Variants in MPND observed in about 807,000 individuals in gnomAD.
MPND encodes the protein MPN domain-containing protein.
Under a neutral mutation model 59.2 loss-of-function variants are expected in MPND, and 56 were observed. The ratio of observed to expected loss-of-function variants is 0.95; its 90% CI spans 0.76 to 1.18. The LOEUF (loss-of-function observed/expected upper bound fraction) is 1.18, where lower values mean the gene tolerates loss of function less well. Among genes scored for constraint, MPND ranks in the 50% most tolerant of loss-of-function variants. The pLI, the probability that MPND is intolerant of heterozygous loss-of-function variation, is 0.00. For missense variants in MPND, 671 were observed against 676.0 expected, an observed-to-expected ratio of 0.99 and a Z score of 0.08; for synonymous variants, 323 against 291.9, an observed-to-expected ratio of 1.11 and a Z score of -1.09.
At chr19:4,354,474 C>A in intron 6 of MPND, 54 bp downstream of exon 6, 1 of 1,453,938 alleles carries the variant, frequency 6.9e-7, no homozygotes. Context: ...AGTCGGTGGG[C>A]AGCGGGCGGG....
intron 12 of MPND, among the ~76,000 whole-genome samples, 200 bp downstream of exon 12, chr19:4,359,455 C>T (rs987452589): frequency 7.2e-5 from 11 of 152,134 alleles, no homozygotes; most frequent in Non-Finnish European, 1.0e-4. Flanking sequence ...CTTTAAGCTC[C>T]GGCAGTGCCG....
intron 7 of MPND, 26 bp downstream of exon 7, chr19:4,355,047 G>C: frequency 1.2e-6 from 2 of 1,609,598 alleles, no homozygotes; most frequent in Non-Finnish European, 1.7e-6. Context: ...CAGGTGGGCG[G>C]GGGCGTTGGA....
In MPND at chr19:4,357,270, C is replaced by T. The variant is rs766357703; in HGVS notation, c.1014C>T (p.Phe338=). The change falls in exon 9 of 13, where the codon TTC becomes TTT. Residue 338 remains phenylalanine (F), a synonymous_variant. Transcript: ENST00000599840. ...AIEEEIYQSL[F]LRGLSLVGWY... is the part of the protein sequence containing the mutation. ...GTCCCCAGATCTACCAGAGCCTGTT[C>T]CTGCGGGGCCTGTCCCTGGTGGGCT... The T allele has an allele frequency of 1.4e-5, 22 of 1,606,572 alleles. No individual in the cohort carries two copies. The highest frequency in any genetic ancestry group is 1.7e-5 in the Non-Finnish European group (20 of 1,176,304).
At chr19:4,350,609 G>A (rs1207099962) in intron 3 of MPND, among the ~76,000 whole-genome samples, 2 of 152,192 alleles carry the variant, frequency 1.3e-5, no homozygotes, top group East Asian at 3.8e-4. Context: ...TGATAGATCA[G>A]ATGCTGGAGT....
At chr19:4,357,655 G>T in intron 10 of MPND, 70 bp downstream of exon 10, 1 of 1,464,948 alleles carries the variant, frequency 6.8e-7, no homozygotes, top group Non-Finnish European at 9.3e-7. Flanking sequence ...GACTAGGCAG[G>T]GGCCCCTGGT....
rs1357787009 is a variant in MPND, at chr19:4,354,091, G to A, written c.711G>A (p.Pro237=). 1.1e-5 allele frequency: 17 copies of A among 1,613,200 alleles called. No individual in the cohort carries two copies. Among genetic ancestry groups the A allele is most frequent in the Admixed American group, 6.7e-5 (4 of 59,970 alleles). ...GGGTGGACAGCAAGATCCGGGTTCC[G>A]GTCCGCTACTGCATGCTGGGCAGCC... The part of the protein sequence containing the change: ...GKRVDSKIRV[P]VRYCMLGSRD... The change falls in exon 5 of 13, where the codon CCG becomes CCA. Residue 237 remains proline (P), a synonymous_variant. Coordinates refer to ENST00000599840, the MANE Select transcript of MPND (RefSeq NM_001300862.2).
chr19:4,351,654 C>T (rs575726233), intron 3 of MPND, among the ~76,000 whole-genome samples: 2 of 149,578 alleles, frequency 1.3e-5, no homozygotes, highest in South Asian at 2.1e-4. Context: ...CAAGGTCAGA[C>T]GATCGAGACC....
At position 4,344,166 on chromosome 19, in the gene MPND, G is replaced by A. The variant is rs533170195; in HGVS notation, c.294+172G>A. On this transcript the variant is annotated intron_variant, in intron 2 of 12. Transcript: ENST00000599840. ...TGGCGAGGGGAAACTGAGGCCCGGG[G>A]CTCCGTTGACTGCAGGAAGAGCTCC... 4.4e-4 allele frequency among the ~76,000 whole-genome samples: 66 copies of A among 151,128 alleles called. 1 individual carries two copies. Among genetic ancestry groups the A allele is most frequent in the African/African-American group, 1.5e-3 (61 of 41,148 alleles).
rs957444253 is a variant in MPND at position 4,353,041 on chromosome 19, G to A, written c.664+12G>A. 9.0e-6 allele frequency: 12 copies of A among 1,329,610 alleles called. No individual in the cohort carries two copies. Among genetic ancestry groups the A allele is most frequent in the Non-Finnish European group, 1.2e-5 (12 of 1,029,594 alleles). The allele number at this position is 1,329,610 out of a possible 1,614,324, so 82.4% of individuals were successfully genotyped here. A position where few individuals can be genotyped will look rare whatever the true frequency, so the allele number is the denominator to read the frequency against. ...GCCTGCCCACCCGGGTGAGAGGCGT[G>A]GGGAGGGGAGGCAGGACAGGGGCGG... On this transcript the variant is annotated intron_variant, in intron 4 of 12. Transcript: ENST00000599840.
intron 3 of MPND, among the ~76,000 whole-genome samples, chr19:4,351,989 A>G (rs1179978849): frequency 2.0e-5 from 3 of 151,916 alleles, no homozygotes; most frequent in Non-Finnish European, 4.4e-5. Flanking sequence ...CCTGGCCAAC[A>G]TGGCAAAACC....
chr19:4,357,582 C>G lies in MPND; in HGVS notation c.1233C>G (p.Pro411=), dbSNP rs750610560. 1 of 1,611,140 alleles carries G rather than the reference C, an allele frequency of 6.2e-7. No individual in the cohort carries two copies. The highest frequency in any genetic ancestry group is 2.2e-5 in the East Asian group (1 of 44,830). Residue 411 remains proline, a synonymous_variant, in exon 10 of 13, where the codon CCC becomes CCG. Coordinates refer to ENST00000599840, the MANE Select transcript of MPND (RefSeq NM_001300862.2). ...KISPFWVMPP[P]EQRPSDYGIP... ...CACCTTTCTGGGTGATGCCTCCTCC[C>G]GAGGTAGGTGGGGCTGTTGGGAGAG...
At chr19:4,346,355 A>G (rs1038973290) in intron 3 of MPND, among the ~76,000 whole-genome samples, 1 of 152,114 alleles carries the variant, frequency 6.6e-6, no homozygotes, top group Non-Finnish European at 1.5e-5. Flanking sequence ...TGCTATGATA[A>G]TAGATGTTCC....
Position 4,357,400 on chromosome 19 carries a change from C to A in MPND, c.1144C>A (p.Pro382Thr). The A allele has an allele frequency of 6.2e-7, 1 of 1,612,572 alleles. No homozygotes were observed. Among genetic ancestry groups the A allele is most frequent in the South Asian group, 1.1e-5 (1 of 91,008 alleles). The stretch of plus-strand genomic sequence containing the variant: ...GCAGGGCTCCAGCAATGGCTTCCAG[C>A]CCTGCCTCGCCCTGCTCTGCTGTAC... ...RLQGSSNGFQ[P>T]CLALLCSPYY... Residue 382 changes from proline (P) to threonine (T), a missense_variant, in exon 9 of 13, where the codon CCC becomes ACC. By Grantham distance (38) the Pro-to-Thr change is conservative (BLOSUM62 -1). Coordinates refer to ENST00000599840, the MANE Select transcript of MPND (RefSeq NM_001300862.2).
intron 10 of MPND, 123 bp downstream of exon 10, chr19:4,357,708 A>G (rs1972474420): frequency 1.1e-6 from 1 of 934,806 alleles, no homozygotes; most frequent in African/African-American, 1.7e-5. Flanking sequence ...TTCTCCATCT[A>G]TGAAATGGGG....
rs961594396 is a variant in MPND, at chr19:4,343,593, C to T, written c.-1C>T. On this transcript the variant is annotated 5_prime_UTR_variant, in exon 1 of 13. Transcript: ENST00000599840. ...AGCTCCGGGCGCGGGGAGGCGCGGC[C>T]ATGGCAGGTACGGCGGGCCCAGCGG... The T allele has an allele frequency of 2.5e-6, 3 of 1,217,936 alleles. No homozygotes were observed. The South Asian group carries it at 1.2e-4, about 50-fold the overall frequency. 75.4% of individuals were successfully genotyped at this position (1,217,936 alleles called of 1,614,324 possible). A position where few individuals can be genotyped will look rare whatever the true frequency, so the allele number is the denominator to read the frequency against.
chr19:4,359,673 G>A (rs557783765), intron 12 of MPND, among the ~76,000 whole-genome samples: 90 of 152,256 alleles, frequency 5.9e-4, no homozygotes, highest in Non-Finnish European at 1.1e-3. Flanking sequence ...CTGAAGTGGG[G>A]GCAGGATCGG....
rs750239081 is a variant in MPND at position 4,355,109 on chromosome 19, TCA to T, written c.933_934del (p.Arg312SerfsTer105). Reference sequence around the variant, plus strand: ...CCCCTCCCCACAGTGCTGACGGTGCTCAGAGCCTTCCCTTGTCGGAGCCGGCT... The same window carrying T: ...CCCCTCCCCACAGTGCTGACGGTGCTGAGCCTTCCCTTGTCGGAGCCGGCT... On this transcript the variant is annotated frameshift_variant, in exon 8 of 13. Coordinates refer to ENST00000599840, the MANE Select transcript of MPND (RefSeq NM_001300862.2). LOFTEE classifies it high-confidence loss of function. 3 of 1,613,878 alleles carry T rather than the reference TCA, an allele frequency of 1.9e-6. No homozygotes were observed. The Admixed American group carries it at 5.0e-5, about 27-fold the overall frequency.
In MPND at chr19:4,345,888, C is replaced by T. The variant is rs200101987; in HGVS notation, c.438C>T (p.Ala146=). The change falls in exon 3 of 13, where the codon GCC becomes GCT. Residue 146 remains alanine, a synonymous_variant. Coordinates refer to ENST00000599840, the MANE Select transcript of MPND (RefSeq NM_001300862.2). The part of the protein sequence containing the change: ...NPAKKSGCGW[A]SVKYKGQKLD... ...CCAAGAAGTCGGGCTGTGGCTGGGC[C>T]TCTGTCAAGTACAAAGGCCAGAAAC... 1.3e-5 allele frequency: 21 copies of T among 1,613,898 alleles called. No homozygotes were observed. The South Asian group carries it at 2.1e-4, about 16-fold the overall frequency.
chr19:4,359,235 A>T lies in MPND; in HGVS notation c.1399A>T (p.Thr467Ser). The change falls in exon 12 of 13, where the codon ACC (threonine) becomes TCC (serine). Residue 467 changes from threonine (T) to serine (S), a missense_variant. Physicochemically the swap from Thr to Ser is moderately conservative, Grantham distance 58. Coordinates refer to ENST00000599840, the MANE Select transcript of MPND (RefSeq NM_001300862.2). ...CCAGGAACCCTGGAGCCAGGAGCACACCTACCTCGACAAGCTTAAGGTGAG... is the reference window on the plus strand; with the variant it reads ...CCAGGAACCCTGGAGCCAGGAGCACTCCTACCTCGACAAGCTTAAGGTGAG... ...RLQEPWSQEH[T>S]YLDKLKISLA... The T allele has an allele frequency of 3.7e-6, 6 of 1,612,814 alleles. No homozygotes were observed. The highest frequency in any genetic ancestry group is 5.1e-6 in the Non-Finnish European group (6 of 1,179,564).
Sources: gnomAD v4.1 joint callset for allele counts (sites outside exome capture counted in the v4.1 genomes callset) on GRCh38, gnomAD v4.1.1 for gene constraint, MANE v1.5 for transcripts, NCBI Gene and HGNC (gene_info 2026-07-23, HGNC 2026-07-21) for gene names.